Variants in RPL23 observed in about 807,000 individuals in gnomAD.
RPL23 encodes ribosomal protein L23.
For synonymous variants in RPL23, 63 were observed against 65.3 expected, an observed-to-expected ratio of 0.97 and a Z score of 0.17; for missense variants, 79 against 178.8, an observed-to-expected ratio of 0.44 and a Z score of 3.18.
At chr17:38,853,658 A>G in intron 1 of RPL23, 40 bp downstream of exon 1, 1 of 1,613,924 alleles carries the variant, frequency 6.2e-7, no homozygotes, top group Non-Finnish European at 8.5e-7. Context: ...CAGCCACTGC[A>G]CGACAGATGG....
At chr17:38,850,695 G>A in intron 3 of RPL23, 1 of 444,696 alleles carries the variant, frequency 2.2e-6, no homozygotes, top group East Asian at 4.0e-5. Flanking sequence ...ATAGAGACAG[G>A]GTTTTGCCAT....
chr17:38,853,469 G>C (rs1913065587), intron 1 of RPL23: 1 of 720,876 alleles, frequency 1.4e-6, no homozygotes, highest in Admixed American at 2.0e-5. Flanking sequence ...TTCGCGGAGC[G>C]ATCTCGCGGT....
chr17:38,851,135 A>G (rs1252011424), intron 3 of RPL23: 1 of 152,272 alleles, frequency 6.6e-6, no homozygotes, highest in Non-Finnish European at 1.5e-5. Flanking sequence ...ATCACTACAC[A>G]GTGAAATATA....
At chr17:38,852,500 A>T in intron 3 of RPL23, 104 bp downstream of exon 3, 1 of 1,443,008 alleles carries the variant, frequency 6.9e-7, no homozygotes, top group Non-Finnish European at 9.5e-7. Context: ...ACTGCCTCTC[A>T]ATGGAAAACA....
intron 2 of RPL23, 28 bp downstream of exon 2, chr17:38,852,994 G>T (rs1301155668): frequency 6.3e-7 from 1 of 1,599,704 alleles, no homozygotes; most frequent in Non-Finnish European, 8.6e-7. Flanking sequence ...TTTAAAAGGG[G>T]GAGTATAGCA....
Position 38,850,131 on chromosome 17 carries a change from A to G in RPL23, c.*1T>C, listed in dbSNP as rs376714630. The stretch of plus-strand genomic sequence containing the variant: ...TTATTTTTTACAAATATACTGGAGA[A>G]TCATGCAATGCTGCCAGCATTGGAT... On this transcript the variant is annotated 3_prime_UTR_variant, in exon 5 of 5. Coordinates refer to ENST00000479035, the MANE Select transcript of RPL23 (RefSeq NM_000978.4). 11 of 1,587,372 alleles carry G rather than the reference A, an allele frequency of 6.9e-6. No individual in the cohort carries two copies. The African/African-American group carries it at 1.1e-4, about 16-fold the overall frequency.
rs1912955898 is a variant in RPL23 at position 38,850,022 on chromosome 17, G to A, written c.*110C>T. The stretch of plus-strand genomic sequence containing the variant: ...AATCCCAGCTACTTAGGAGGCTGAG[G>A]CAGGAGAATCGCTTGAACCCTGGAA... On this transcript the variant is annotated 3_prime_UTR_variant, in exon 5 of 5. Transcript: ENST00000479035. 2 of 744,350 alleles carry A rather than the reference G, an allele frequency of 2.7e-6. No individual in the cohort carries two copies. The highest frequency in any genetic ancestry group is 4.3e-6 in the Non-Finnish European group (2 of 469,468). The allele number at this position is 744,350 out of a possible 1,614,324, so 46.1% of individuals were successfully genotyped here. A position where few individuals can be genotyped will look rare whatever the true frequency, so the allele number is the denominator to read the frequency against.
chr17:38,851,860 G>A (rs1360745613), intron 3 of RPL23: 2 of 152,226 alleles, frequency 1.3e-5, no homozygotes, highest in Non-Finnish European at 2.9e-5. Context: ...GGATGGCCAG[G>A]AACTCTTTAG....
In RPL23 at chr17:38,849,894, C is replaced by A; in HGVS notation, c.*238G>T. 1 of 407,184 alleles carries A rather than the reference C, an allele frequency of 2.5e-6. No individual in the cohort carries two copies. Among genetic ancestry groups the A allele is most frequent in the South Asian group, 4.4e-5 (1 of 22,738 alleles). 25.2% of individuals were successfully genotyped at this position (407,184 alleles called of 1,614,324 possible). Reference sequence around the variant, plus strand: ...AAAACACTGTAGAGGCCTGGGTGGGCAGATCACTTGAGATCAGGAGTTTGA... The same window carrying A: ...AAAACACTGTAGAGGCCTGGGTGGGAAGATCACTTGAGATCAGGAGTTTGA... On this transcript the variant is annotated 3_prime_UTR_variant, in exon 5 of 5. Coordinates refer to ENST00000479035, the MANE Select transcript of RPL23 (RefSeq NM_000978.4).
At position 38,848,972 on chromosome 17, in the gene RPL23, C is replaced by G. The variant is rs1430317505; in HGVS notation, c.*1160G>C. ...TGGGTGTCACCTAAATAAACTCTTA[C>G]ACGTTTAGAAAGAAATGCTAACAAC... On this transcript the variant is annotated 3_prime_UTR_variant, in exon 5 of 5. Transcript: ENST00000479035. The G allele has an allele frequency of 1.3e-5, 2 of 152,204 alleles. No individual in the cohort carries two copies. The highest frequency in any genetic ancestry group is 2.9e-5 in the Non-Finnish European group (2 of 68,042). The allele number at this position is 152,204 out of a possible 1,614,324, so 9.4% of individuals were successfully genotyped here.
chr17:38,853,179 C>CAGCTTGAG (rs879470503), intron 1 of RPL23, 74 bp from the exon 2 acceptor site: 2,118 of 1,157,102 alleles, frequency 1.8e-3, no homozygotes, highest in Non-Finnish European at 2.6e-3. Flanking sequence ...CCCCCTCATA[C>CAGCTTGAG]TCAAGCTGTA....
At position 38,848,848 on chromosome 17, in the gene RPL23, G is replaced by A. The variant is rs1242801709; in HGVS notation, c.*1284C>T. On this transcript the variant is annotated 3_prime_UTR_variant, in exon 5 of 5. Transcript: ENST00000479035. ...AAACATTTATGGCTGAGTATTTGCA[G>A]ATACAGATACATAAACACAAACCTT... 6.6e-6 allele frequency: 1 copy of A among 152,086 alleles called. No individual in the cohort carries two copies. The highest frequency in any genetic ancestry group is 1.5e-5 in the Non-Finnish European group (1 of 68,032). 9.4% of individuals were successfully genotyped at this position (152,086 alleles called of 1,614,324 possible). A position where few individuals can be genotyped will look rare whatever the true frequency, so the allele number is the denominator to read the frequency against.
rs1037601531 is a variant in RPL23, at chr17:38,848,810, A to G, written c.*1322T>C. On this transcript the variant is annotated 3_prime_UTR_variant, in exon 5 of 5. Transcript: ENST00000479035. ...ACCAAGTGGAGCTTGTATTATACCC[A>G]ACTTACAGGTAGAAACATTTATGGC... 6.6e-6 allele frequency: 1 copy of G among 152,214 alleles called. No individual in the cohort carries two copies. Among genetic ancestry groups the G allele is most frequent in the Non-Finnish European group, 1.5e-5 (1 of 68,038 alleles). The allele number at this position is 152,214 out of a possible 1,614,324, so 9.4% of individuals were successfully genotyped here. A position where few individuals can be genotyped will look rare whatever the true frequency, so the allele number is the denominator to read the frequency against.
At chr17:38,853,671 G>C in intron 1 of RPL23, 27 bp downstream of exon 1, 1 of 1,614,168 alleles carries the variant, frequency 6.2e-7, no homozygotes, top group Non-Finnish European at 8.5e-7. Context: ...ACAGATGGTG[G>C]AGGATCCTCC....
chr17:38,852,377 A>G, intron 3 of RPL23: 1 of 541,272 alleles, frequency 1.8e-6, no homozygotes, highest in Non-Finnish European at 3.2e-6. Context: ...CTCAAAAAAC[A>G]AAACAAAACA....
At chr17:38,853,553 G>A (rs1374041254) in intron 1 of RPL23, 145 bp downstream of exon 1, 7 of 953,634 alleles carry the variant, frequency 7.3e-6, no homozygotes, top group South Asian at 2.7e-5. Context: ...CGAGGGCCCT[G>A]GCAGTGCTCT....
intron 3 of RPL23, 89 bp downstream of exon 3, chr17:38,852,515 T>C (rs900464184): frequency 4.6e-6 from 7 of 1,527,274 alleles, no homozygotes; most frequent in Non-Finnish European, 6.2e-6. Context: ...AAAACAAACT[T>C]GAGGCCTTGA....
Position 38,849,923 on chromosome 17 carries a change from G to C in RPL23, c.*209C>G, listed in dbSNP as rs1009797962. 1 of 465,436 alleles carries C rather than the reference G, an allele frequency of 2.1e-6. No individual in the cohort carries two copies. The highest frequency in any genetic ancestry group is 3.8e-6 in the Non-Finnish European group (1 of 263,424). 28.8% of individuals were successfully genotyped at this position (465,436 alleles called of 1,614,324 possible). A position where few individuals can be genotyped will look rare whatever the true frequency, so the allele number is the denominator to read the frequency against. Reference sequence around the variant, plus strand: ...TCACTTGAGATCAGGAGTTTGAGTCGTTTGGCAAACATGGTGAAACCCTGT... The same window carrying C: ...TCACTTGAGATCAGGAGTTTGAGTCCTTTGGCAAACATGGTGAAACCCTGT... On this transcript the variant is annotated 3_prime_UTR_variant, in exon 5 of 5. Transcript: ENST00000479035.
At chr17:38,850,338 G>A (rs1912965009) in intron 4 of RPL23, 24 bp downstream of exon 4, 1 of 1,598,472 alleles carries the variant, frequency 6.3e-7, no homozygotes, top group Non-Finnish European at 8.6e-7. Context: ...GAGACCTAAG[G>A]AACAAGCTGG....
Sources: gnomAD v4.1 joint callset for allele counts on GRCh38, gnomAD v4.1.1 for gene constraint, MANE v1.5 for transcripts, NCBI Gene and HGNC (gene_info 2026-07-23, HGNC 2026-07-21) for gene names.